Variants in PCDHA4 observed in about 807,000 individuals in gnomAD.
PCDHA4 encodes the protein protocadherin alpha-4.
Under a neutral mutation model 61.4 loss-of-function variants are expected in PCDHA4, and 49 were observed. That is an observed-to-expected ratio of 0.80 (90% CI 0.63 to 1.01). The LOEUF (loss-of-function observed/expected upper bound fraction) is 1.01. Ranked by LOEUF, PCDHA4 falls within the 50% of genes least tolerant of loss-of-function variation. The pLI is 0.00. For missense variants in PCDHA4, 1,254 were observed against 1,235.8 expected, an observed-to-expected ratio of 1.01 and a Z score of -0.22; for synonymous variants, 590 against 550.3, an observed-to-expected ratio of 1.07 and a Z score of -1.01.
At chr5:140,936,240 CAT>C (rs1282249217) in intron 1 of PCDHA4, among the ~76,000 whole-genome samples, 3 of 152,152 alleles carry the variant, frequency 2.0e-5, no homozygotes, top group Non-Finnish European at 4.4e-5. Flanking sequence ...TTAAAGAAAA[CAT>C]ATCCTGCTTC....
At chr5:140,942,543 G>C (rs1272048967) in intron 1 of PCDHA4, among the ~76,000 whole-genome samples, 1 of 152,056 alleles carries the variant, frequency 6.6e-6, no homozygotes, top group Non-Finnish European at 1.5e-5. Flanking sequence ...GTATGGTGGG[G>C]GGTAGGGGGT....
chr5:140,969,011 A>G lies in PCDHA4; in HGVS notation c.2386-9938A>G, dbSNP rs1554231347. On this transcript the variant is annotated intron_variant, in intron 1 of 3. Transcript: ENST00000530339. Reference sequence around the variant, plus strand: ...ATGCTGTGGAGGCTTCTGTGGAGTAAGGGAAAGGTCCCCTGCAGAACTGTA... The same window carrying G: ...ATGCTGTGGAGGCTTCTGTGGAGTAGGGGAAAGGTCCCCTGCAGAACTGTA... The G allele has an allele frequency of 2.5e-6, 4 of 1,614,084 alleles. No individual in the cohort carries two copies. In the South Asian group the frequency reaches 4.4e-5, roughly 18 times the overall value.
rs782420685 is a variant in PCDHA4, at chr5:140,978,941, T to G, written c.2386-8T>G. 1 of 1,614,158 alleles carries G rather than the reference T, an allele frequency of 6.2e-7. No homozygotes were observed. The highest frequency in any genetic ancestry group is 2.2e-5 in the East Asian group (1 of 44,880). On this transcript the variant is annotated splice_region_variant and splice_polypyrimidine_tract_variant and intron_variant, in intron 1 of 3. Transcript: ENST00000530339. ...TTTTAACAGAAAACTCTCTTTGTGA[T>G]TTTGCAGCCACGACAGCCCAACCCT...
chr5:141,009,132 G>GA (rs1172401436), intron 3 of PCDHA4, among the ~76,000 whole-genome samples: 11 of 152,202 alleles, frequency 7.2e-5, no homozygotes, highest in African/African-American at 2.4e-4. Flanking sequence ...GTATCCTGGT[G>GA]AAAAAACCTG....
chr5:140,829,581 G>A, intron 1 of PCDHA4: 2 of 1,612,280 alleles, frequency 1.2e-6, no homozygotes, highest in Non-Finnish European at 1.7e-6. Flanking sequence ...CTGGTGGAGC[G>A]GCGGGTGGGC....
chr5:140,839,071 T>C lies in PCDHA4; in HGVS notation c.2385+29499T>C, dbSNP rs115806337. 2.0e-3 allele frequency among the ~76,000 whole-genome samples: 311 copies of C among 152,148 alleles called. 5 individuals are homozygous for C. Among genetic ancestry groups the C allele is most frequent in the African/African-American group, 7.1e-3 (293 of 41,488 alleles). On this transcript the variant is annotated intron_variant, in intron 1 of 3. Coordinates refer to ENST00000530339, the MANE Select transcript of PCDHA4 (RefSeq NM_018907.4). ...TGAATAAGGATAGAGGTATGCAAAG[T>C]CAAAAACCTGTCTGATAATCAATAG...
chr5:140,849,915 A>T (rs1554143492), intron 1 of PCDHA4: 3 of 1,598,260 alleles, frequency 1.9e-6, no homozygotes, highest in Non-Finnish European at 8.6e-7. Context: ...GGGCTGCCAC[A>T]TCTTCACGGT....
At chr5:140,824,611 T>TTG (rs1554129944) in intron 1 of PCDHA4, 3 of 19,848 alleles carry the variant, frequency 1.5e-4, no homozygotes, top group African/African-American at 5.0e-4. Context: ...CTAATTAAAG[T>TTG]TTTTTTTTTT....
intron 1 of PCDHA4, chr5:140,928,449 G>A (rs1225507568): frequency 3.7e-6 from 6 of 1,614,136 alleles, no homozygotes; most frequent in Non-Finnish European, 5.1e-6. Context: ...AGCAGCTCAG[G>A]GGGTTTCATT....
At chr5:141,006,612 AAGG>A (rs2098279964) in intron 3 of PCDHA4, among the ~76,000 whole-genome samples, 1 of 152,204 alleles carries the variant, frequency 6.6e-6, no homozygotes, top group African/African-American at 2.4e-5. Flanking sequence ...CAGACTGAAT[AAGG>A]AGACTATTGC....
intron 1 of PCDHA4, chr5:140,869,160 C>G (rs201759355): frequency 6.2e-7 from 1 of 1,613,768 alleles, no homozygotes; most frequent in African/African-American, 1.3e-5. Flanking sequence ...TCTGGCTTCT[C>G]CTCCTCGAAT....
chr5:140,822,378 A>T, intron 1 of PCDHA4: 1 of 1,614,170 alleles, frequency 6.2e-7, no homozygotes, highest in Non-Finnish European at 8.5e-7. Flanking sequence ...CCTTAGATAG[A>T]GAAGAAACAC....
At chr5:140,909,907 A>C (rs1554194005) in intron 1 of PCDHA4, among the ~76,000 whole-genome samples, 1 of 152,168 alleles carries the variant, frequency 6.6e-6, no homozygotes, top group African/African-American at 2.4e-5. Flanking sequence ...CTGAAATGGC[A>C]ATCATTTCCC....
At chr5:140,842,993 G>C in intron 1 of PCDHA4, 1 of 1,595,048 alleles carries the variant, frequency 6.3e-7, no homozygotes, top group Non-Finnish European at 8.6e-7. Flanking sequence ...CGTGCTGGAC[G>C]AGAATGACAA....
At chr5:140,850,070 C>T (rs2041326470) in intron 1 of PCDHA4, 3 of 1,596,448 alleles carry the variant, frequency 1.9e-6, no homozygotes, top group Admixed American at 1.7e-5. Context: ...CGTTGGACCA[C>T]GAGGAGCTGG....
chr5:140,841,547 G>T, intron 1 of PCDHA4: 1 of 1,613,802 alleles, frequency 6.2e-7, no homozygotes, highest in Non-Finnish European at 8.5e-7. Context: ...GGACCTTCTG[G>T]AGGTAAGTCT....
intron 3 of PCDHA4, among the ~76,000 whole-genome samples, chr5:141,000,399 A>ATT (rs2097917152): frequency 1.5e-5 from 1 of 66,842 alleles, no homozygotes; most frequent in Non-Finnish European, 2.7e-5. Context: ...CTCTCTCTAT[A>ATT]TATATATATA....
At position 140,807,563 on chromosome 5, in the gene PCDHA4, A is replaced by C. The variant is rs200997832; in HGVS notation, c.376A>C (p.Ile126Leu). The change falls in exon 1 of 4, where the codon ATT becomes CTT. Residue 126 changes from isoleucine to leucine, a missense_variant. By Grantham distance (5) the Ile-to-Leu change is conservative. Coordinates refer to ENST00000530339, the MANE Select transcript of PCDHA4 (RefSeq NM_018907.4). ...VFHVDVEVRD[I>L]NDNPPVFPAT... Reference sequence around the variant, plus strand: ...CCATGTGGACGTGGAGGTGAGGGACATTAACGATAACCCGCCGGTGTTCCC... The same window carrying C: ...CCATGTGGACGTGGAGGTGAGGGACCTTAACGATAACCCGCCGGTGTTCCC... 2.7e-5 allele frequency: 44 copies of C among 1,614,076 alleles called. No homozygotes were observed. The highest frequency in any genetic ancestry group is 3.6e-5 in the Non-Finnish European group (43 of 1,180,038).
chr5:140,882,057 A>C, intron 1 of PCDHA4: 1 of 790,730 alleles, frequency 1.3e-6, no homozygotes, highest in Non-Finnish European at 1.9e-6. Context: ...ACTTACACTT[A>C]CACGTTCATG....
Sources: allele counts gnomAD v4.1 joint callset (sites outside exome capture counted in the v4.1 genomes callset), GRCh38; gene constraint gnomAD v4.1.1; transcripts MANE v1.5; gene names NCBI Gene and HGNC (gene_info 2026-07-23, HGNC 2026-07-21).